The following PCSK5 variants were observed in gnomAD, a reference collection of about 807,000 sequenced individuals.
The protein encoded by PCSK5 is prohormone convertase 5.
Under a neutral mutation model 233.2 loss-of-function variants are expected in PCSK5, and 129 were observed. The ratio of observed to expected loss-of-function variants is 0.55; its 90% CI spans 0.48 to 0.64. The LOEUF (loss-of-function observed/expected upper bound fraction) is 0.64, where lower values mean the gene tolerates loss of function less well. PCSK5 is among the 30% of genes least tolerant of loss of function. The pLI is 0.00. For synonymous variants in PCSK5, 825 were observed against 879.2 expected (o/e 0.94, Z 1.09); for missense variants, 2,076 against 2,430.1 (o/e 0.85, Z 3.06).
chr9:76,067,183 A>G (rs1487676887), intron 5 of PCSK5, among the ~76,000 whole-genome samples: 1 of 152,250 alleles, frequency 6.6e-6, no homozygotes, highest in Admixed American at 6.5e-5. Flanking sequence ...AAGTTCTTTC[A>G]GCTAAAAGAT....
At chr9:76,130,664 G>C (rs1286168805) in intron 9 of PCSK5, among the ~76,000 whole-genome samples, 1 of 147,774 alleles carries the variant, frequency 6.8e-6, no homozygotes, top group Admixed American at 6.7e-5. Context: ...AACTATAAAT[G>C]ATTACATATA....
chr9:75,914,515 C>T (rs1409411363), intron 1 of PCSK5, among the ~76,000 whole-genome samples: 1 of 151,940 alleles, frequency 6.6e-6, no homozygotes, highest in East Asian at 1.9e-4. Flanking sequence ...ACCCAATGAC[C>T]ATTGGGTTTT....
intron 7 of PCSK5, among the ~76,000 whole-genome samples, chr9:76,095,349 A>G (rs984389006): frequency 6.6e-6 from 1 of 152,352 alleles, no homozygotes; most frequent in African/African-American, 2.4e-5. Context: ...ATGAGGGTGC[A>G]TAATAGCACC....
intron 12 of PCSK5, 116 bp downstream of exon 12, chr9:76,159,287 C>G: frequency 2.3e-6 from 2 of 862,212 alleles, no homozygotes; most frequent in Admixed American, 2.6e-5. Flanking sequence ...AGAGGGGGTG[C>G]TTAGATGTCA....
intron 24 of PCSK5, among the ~76,000 whole-genome samples, chr9:76,283,027 A>T (rs932231929): frequency 1.9e-4 from 29 of 152,350 alleles, no homozygotes; most frequent in African/African-American, 6.5e-4. Flanking sequence ...GAATTGCTAC[A>T]ATCTCACAAT....
chr9:76,222,338 AT>A (rs1192950123), intron 20 of PCSK5, among the ~76,000 whole-genome samples: 2 of 151,438 alleles, frequency 1.3e-5, no homozygotes, highest in Non-Finnish European at 3.0e-5. Flanking sequence ...TTTTAAAAAA[AT>A]ATTGTAAAAT....
Position 75,898,261 on chromosome 9 carries a change from C to T in PCSK5, c.192+6888C>T, listed in dbSNP as rs12350468. ...ATTCTCACCTGAATAATTCTGAGTT[C>T]TGAAACATATTTAAATCCAAGAGTT... On this transcript the variant is annotated intron_variant, in intron 1 of 37. Transcript: ENST00000674117. Among the ~76,000 whole-genome samples the T allele has an allele frequency of 7.4e-3, 1,127 of 152,274 alleles. 5 individuals carry two copies. The highest frequency in any genetic ancestry group is 0.011 in the Non-Finnish European group (766 of 68,026).
At chr9:76,236,783 C>T (rs1826263670) in intron 22 of PCSK5, among the ~76,000 whole-genome samples, 1 of 152,144 alleles carries the variant, frequency 6.6e-6, no homozygotes, top group African/African-American at 2.4e-5. Flanking sequence ...AATTATAACA[C>T]CCAAAGAGGC....
chr9:76,327,261 C>A (rs997152258), intron 32 of PCSK5, among the ~76,000 whole-genome samples: 2 of 152,038 alleles, frequency 1.3e-5, no homozygotes, highest in South Asian at 4.2e-4. Context: ...CACCCGCCAC[C>A]ATGCCCAGCT....
intron 10 of PCSK5, among the ~76,000 whole-genome samples, chr9:76,134,592 T>C (rs539151789): frequency 6.6e-6 from 1 of 152,232 alleles, no homozygotes; most frequent in African/African-American, 2.4e-5. Flanking sequence ...ATAACTGATA[T>C]ATATTGTTCA....
At chr9:75,946,702 C>T (rs1480746479) in intron 2 of PCSK5, among the ~76,000 whole-genome samples, 3 of 152,156 alleles carry the variant, frequency 2.0e-5, no homozygotes, top group African/African-American at 7.2e-5. Flanking sequence ...GATTCTCCTG[C>T]CTCAGCGTCC....
chr9:76,282,216 C>T (rs1007208879), intron 24 of PCSK5, among the ~76,000 whole-genome samples: 4 of 138,710 alleles, frequency 2.9e-5, no homozygotes, highest in Non-Finnish European at 6.1e-5. Context: ...CTCCTGGGCT[C>T]AAGTGATCCT....
intron 24 of PCSK5, among the ~76,000 whole-genome samples, chr9:76,252,425 CTG>C: frequency 6.6e-6 from 1 of 152,320 alleles, no homozygotes; most frequent in Middle Eastern, 3.4e-3. Flanking sequence ...AACAGTGACA[CTG>C]TTCTTCATAG....
In PCSK5 at chr9:76,323,113, C is replaced by G. The variant is rs1286180847; in HGVS notation, c.4164C>G (p.Phe1388Leu). 6.2e-7 allele frequency: 1 copy of G among 1,611,948 alleles called. No homozygotes were observed. Among genetic ancestry groups the G allele is most frequent in the African/African-American group, 1.3e-5 (1 of 75,048 alleles). The change falls in exon 32 of 38, where the codon TTC becomes TTG. Residue 1388 changes from phenylalanine (F) to leucine (L), a missense_variant. Transcript: ENST00000674117. ...GCCACCAGTCCTGTCCCCGTGGCTT[C>G]TATGCAGACTCGCGCCACTGTGTCC... ...DMCHQSCPRG[F>L]YADSRHCVPC...
chr9:75,987,669 A>G (rs1370967974), intron 3 of PCSK5, among the ~76,000 whole-genome samples: 1 of 152,210 alleles, frequency 6.6e-6, no homozygotes, highest in African/African-American at 2.4e-5. Context: ...GGGAGGAATC[A>G]TAAAGCTAAG....
In PCSK5 at chr9:76,346,436, TAGTG is replaced by T. The variant is rs749425665; in HGVS notation, c.4967-4391_4967-4388del. Among the ~76,000 whole-genome samples, 10 of 152,294 alleles carry T rather than the reference TAGTG, an allele frequency of 6.6e-5. No individual in the cohort carries two copies. The South Asian group carries it at 1.0e-3, about 16-fold the overall frequency. Reference sequence around the variant, plus strand: ...ATGTATTCAAGGGATGACTAGGAGTTAGTGGGTAAATCCTGAAGCTGTCCTGAGT... The same window carrying T: ...ATGTATTCAAGGGATGACTAGGAGTTGGTAAATCCTGAAGCTGTCCTGAGT... On this transcript the variant is annotated intron_variant, in intron 35 of 37. Transcript: ENST00000674117.
chr9:76,115,388 A>G (rs931866153), intron 9 of PCSK5, among the ~76,000 whole-genome samples: 8 of 152,156 alleles, frequency 5.3e-5, no homozygotes, highest in African/African-American at 1.9e-4. Context: ...TATTTACATT[A>G]TAAATTGCTC....
intron 3 of PCSK5, among the ~76,000 whole-genome samples, chr9:76,015,761 C>T (rs1015930466): frequency 1.4e-4 from 22 of 152,310 alleles, no homozygotes; most frequent in South Asian, 4.1e-4. Context: ...ACTTGATGCA[C>T]GGATTTTCTC....
At chr9:75,991,846 TA>T (rs1177773742) in intron 3 of PCSK5, among the ~76,000 whole-genome samples, 1 of 152,144 alleles carries the variant, frequency 6.6e-6, no homozygotes, top group African/African-American at 2.4e-5. Flanking sequence ...TTTAGGGAGT[TA>T]AATATTTTAA....
Sources: gnomAD v4.1 joint callset for allele counts (sites outside exome capture counted in the v4.1 genomes callset) on GRCh38, gnomAD v4.1.1 for gene constraint, MANE v1.5 for transcripts, NCBI Gene and HGNC (gene_info 2026-07-23, HGNC 2026-07-21) for gene names.